The following DZANK1 variants were observed in gnomAD, a reference collection of about 807,000 sequenced individuals.
The protein encoded by DZANK1 is double zinc ribbon and ankyrin repeat domains 1.
A neutral mutation model predicts 94.5 loss-of-function variants in DZANK1; 91 were observed. The ratio of observed to expected loss-of-function variants is 0.96; its 90% CI spans 0.81 to 1.15. DZANK1 has a LOEUF of 1.15. Ranked by LOEUF, DZANK1 falls within the 50% of genes most tolerant of loss-of-function variation. DZANK1 has a pLI of 0.00. For missense variants in DZANK1, 903 were observed against 916.4 expected (o/e 0.99, Z 0.19); for synonymous variants, 312 against 325.3 (o/e 0.96, Z 0.44).
chr20:18,426,517 G>C (rs554844773), intron 10 of DZANK1, among the ~76,000 whole-genome samples: 1 of 152,290 alleles, frequency 6.6e-6, no homozygotes, highest in Non-Finnish European at 1.5e-5. Context: ...TACAAAGCAA[G>C]AGTCACCTGG....
At chr20:18,461,543 C>A (rs1050868732) in intron 2 of DZANK1, among the ~76,000 whole-genome samples, 2 of 150,444 alleles carry the variant, frequency 1.3e-5, no homozygotes, top group Non-Finnish European at 3.0e-5. Flanking sequence ...AATATATGGG[C>A]AAGACAAATA....
At chr20:18,424,615 T>C (rs2057951753) in intron 10 of DZANK1, among the ~76,000 whole-genome samples, 2 of 152,218 alleles carry the variant, frequency 1.3e-5, no homozygotes, top group African/African-American at 4.8e-5. Context: ...CCACTTCTGT[T>C]CCTACCAGCA....
chr20:18,389,263 T>G (rs1253061720), intron 19 of DZANK1, among the ~76,000 whole-genome samples: 1 of 152,170 alleles, frequency 6.6e-6, no homozygotes, highest in Non-Finnish European at 1.5e-5. Flanking sequence ...CAGTCTCCTC[T>G]GCAGTGGTGT....
At chr20:18,461,467 TTTTC>T (rs1189222046) in intron 2 of DZANK1, among the ~76,000 whole-genome samples, 12 of 152,168 alleles carry the variant, frequency 7.9e-5, no homozygotes, top group African/African-American at 2.4e-4. Flanking sequence ...TCTTTTTTCC[TTTTC>T]TTTGTTTCTT....
chr20:18,444,679 ATACTC>A (rs2058817046), intron 7 of DZANK1, among the ~76,000 whole-genome samples: 1 of 152,248 alleles, frequency 6.6e-6, no homozygotes, highest in Non-Finnish European at 1.5e-5. Flanking sequence ...ATCAGTTAGA[ATACTC>A]TATATATACT....
intron 3 of DZANK1, among the ~76,000 whole-genome samples, chr20:18,457,335 G>C (rs1227471021): frequency 6.6e-6 from 1 of 152,130 alleles, no homozygotes; most frequent in Non-Finnish European, 1.5e-5. Flanking sequence ...AATTAGCTGG[G>C]TTGTGGTGGT....
At position 18,393,783 on chromosome 20, in the gene DZANK1, A is replaced by G. The variant is rs571081075; in HGVS notation, c.1737T>C (p.Asp579=). 2.4e-5 allele frequency: 38 copies of G among 1,613,072 alleles called. 2 individuals are homozygous for G. Among genetic ancestry groups the G allele is most frequent in the African/African-American group, 2.3e-4 (17 of 75,014 alleles). ...TTATCCTTTTGATTTTTTCAATAGT[A>G]TCTGAGGTACTCTGGCTGTAGTCAC... Residue 579 remains aspartate (D), a synonymous_variant, in exon 17 of 21, where the codon GAT becomes GAC. Transcript: ENST00000262547.
intron 13 of DZANK1, among the ~76,000 whole-genome samples, chr20:18,408,547 C>T (rs1251352619): frequency 6.6e-6 from 1 of 152,118 alleles, no homozygotes; most frequent in Non-Finnish European, 1.5e-5. Flanking sequence ...AATGGACCTC[C>T]AATACCTTCA....
In DZANK1 at chr20:18,415,369, C is replaced by T. The variant is rs1213052487; in HGVS notation, c.1035G>A (p.Trp345Ter). 5.0e-6 allele frequency: 8 copies of T among 1,595,248 alleles called. No individual in the cohort carries two copies. The highest frequency in any genetic ancestry group is 3.5e-5 in the Admixed American group (2 of 57,372). The change falls in exon 11 of 21, where the codon TGG becomes TGA. Residue 345 changes from tryptophan to a stop codon, truncating the protein, a stop_gained. Transcript: ENST00000262547. LOFTEE classifies it high-confidence loss of function. ...CGCAGAAGGACGCCTCCCAGAGATT[C>T]CAGCGACCACATCTGTAGCAGGAAA...
In DZANK1 at chr20:18,399,322, T is replaced by C. The variant is rs140920608; in HGVS notation, c.1433-696A>G. Among the ~76,000 whole-genome samples the C allele has an allele frequency of 2.0e-5, 3 of 152,162 alleles. No homozygotes were observed. The East Asian group carries it at 5.8e-4, about 29-fold the overall frequency. ...TGGCTTACCACAGCCTTGACCTCCC[T>C]TGGCTCAGATGATCCTCCCACCTCA... On this transcript the variant is annotated intron_variant, in intron 13 of 20. Transcript: ENST00000262547.
At chr20:18,390,662 C>T (rs1200818691) in intron 17 of DZANK1, among the ~76,000 whole-genome samples, 1 of 152,186 alleles carries the variant, frequency 6.6e-6, no homozygotes, top group Non-Finnish European at 1.5e-5. Flanking sequence ...AACCTTGCTT[C>T]AGGCAAGGTT....
In DZANK1 at chr20:18,441,983, C is replaced by A. The variant is rs979919920; in HGVS notation, c.747+1364G>T. ...AGAGACAGGAGAGCACACACCTCTG[C>A]ATCTCTTTACTGAGACTCTCTGAGT... On this transcript the variant is annotated intron_variant, in intron 8 of 20. Coordinates refer to ENST00000262547, the Ensembl canonical transcript of DZANK1. The surrounding 1 kb of genome is among the most constrained non-coding windows in gnomAD (Gnocchi z 4.1). Among the ~76,000 whole-genome samples the A allele has an allele frequency of 6.6e-6, 1 of 152,198 alleles. No homozygotes were observed. The highest frequency in any genetic ancestry group is 2.4e-5 in the African/African-American group (1 of 41,456).
At chr20:18,452,086 T>A (rs971130586) in intron 6 of DZANK1, 16 of 318,934 alleles carry the variant, frequency 5.0e-5, no homozygotes, top group South Asian at 1.9e-4. Context: ...TTTTTTTTTT[T>A]AACGATGCTC....
chr20:18,416,563 G>A (rs183558329), intron 10 of DZANK1, among the ~76,000 whole-genome samples: 38 of 152,204 alleles, frequency 2.5e-4, no homozygotes, highest in African/African-American at 9.2e-4. Flanking sequence ...CTAAGAACAC[G>A]CACACCAGGG....
intron 4 of DZANK1, 200 bp from the exon 5 acceptor site, chr20:18,454,027 CTGGA>C: frequency 1.5e-6 from 1 of 677,384 alleles, no homozygotes; most frequent in Non-Finnish European, 2.8e-6. Flanking sequence ...GGCAGCACAT[CTGGA>C]TGTAGCCCTC....
intron 9 of DZANK1, among the ~76,000 whole-genome samples, chr20:18,428,120 C>A (rs1319839444): frequency 6.8e-5 from 10 of 147,694 alleles, no homozygotes; most frequent in Non-Finnish European, 1.2e-4. Flanking sequence ...CACTGCACAC[C>A]AGCCTGGGTG....
intron 10 of DZANK1, among the ~76,000 whole-genome samples, chr20:18,423,715 A>G (rs2148528897): frequency 6.6e-6 from 1 of 152,366 alleles, no homozygotes; most frequent in Non-Finnish European, 1.5e-5. Flanking sequence ...TAAATAAGTC[A>G]TAGGTCAAAG....
chr20:18,449,134 G>A, intron 6 of DZANK1, 65 bp from the exon 7 acceptor site: 1 of 1,331,942 alleles, frequency 7.5e-7, no homozygotes, highest in Non-Finnish European at 1.1e-6. Flanking sequence ...TAAAGGCTAT[G>A]GTATAGTAAA....
chr20:18,394,820 A>C, intron 15 of DZANK1: 1 of 457,054 alleles, frequency 2.2e-6, no homozygotes, highest in Non-Finnish European at 4.4e-6. Flanking sequence ...CCTTGGAAGA[A>C]GCAGGTTGCT....
Sources: allele counts gnomAD v4.1 joint callset (sites outside exome capture counted in the v4.1 genomes callset), GRCh38; gene constraint gnomAD v4.1.1; non-coding constraint Gnocchi (gnomAD v3.1); transcripts MANE v1.5; gene names NCBI Gene and HGNC (gene_info 2026-07-23, HGNC 2026-07-21).